The following TMEM87B variants were observed in gnomAD, a reference collection of about 807,000 sequenced individuals.
TMEM87B encodes transmembrane protein 87B.
A neutral mutation model predicts 80.3 loss-of-function variants in TMEM87B; 83 were observed. That is an observed-to-expected ratio of 1.03 (90% confidence interval 0.87 to 1.24). TMEM87B has a LOEUF of 1.24. Among genes scored for constraint, TMEM87B ranks in the 50% most tolerant of loss-of-function variants. The pLI is 0.00. For synonymous variants in TMEM87B, 219 were observed against 230.5 expected, an observed-to-expected ratio of 0.95 and a Z score of 0.45; for missense variants, 625 against 674.4, an observed-to-expected ratio of 0.93 and a Z score of 0.81.
chr2:112,107,774 A>G lies in TMEM87B; in HGVS notation c.1525-14A>G, dbSNP rs777688437. 1 of 1,545,882 alleles carries G rather than the reference A, an allele frequency of 6.5e-7. No individual in the cohort carries two copies. The highest frequency in any genetic ancestry group is 1.7e-5 in the Admixed American group (1 of 57,880). ...GTGATATTAAGCAAATGCTAAGTAT[A>G]AATATTTCTACAGGATGAAGATTTG... On this transcript the variant is annotated splice_polypyrimidine_tract_variant and intron_variant, in intron 16 of 18. Transcript: ENST00000283206.
At chr2:112,081,626 T>A in intron 8 of TMEM87B, 108 bp downstream of exon 8, 1 of 978,036 alleles carries the variant, frequency 1.0e-6, no homozygotes, top group South Asian at 2.0e-5. Flanking sequence ...GAAACAGATA[T>A]ATTATAGATG....
chr2:112,079,969 A>C (rs1212478866), intron 6 of TMEM87B, among the ~76,000 whole-genome samples: 1 of 117,156 alleles, frequency 8.5e-6, no homozygotes, highest in Non-Finnish European at 1.6e-5. Context: ...TCGCTCTGTC[A>C]CCCAGGCTGG....
At chr2:112,096,961 CTT>C in intron 11 of TMEM87B, 81 bp from the exon 12 acceptor site, 1 of 951,668 alleles carries the variant, frequency 1.1e-6, no homozygotes, top group Non-Finnish European at 1.6e-6. Flanking sequence ...GCAGTACTGA[CTT>C]TGGGAACATA....
At chr2:112,100,546 A>T in intron 14 of TMEM87B, 76 bp from the exon 15 acceptor site, 2 of 883,832 alleles carry the variant, frequency 2.3e-6, no homozygotes, top group Non-Finnish European at 3.5e-6. Context: ...TTTTTTATAC[A>T]ATGGCTTTTA....
intron 3 of TMEM87B, among the ~76,000 whole-genome samples, chr2:112,065,932 T>C (rs563921754): frequency 1.3e-5 from 2 of 152,356 alleles, no homozygotes; most frequent in African/African-American, 4.8e-5. Flanking sequence ...ATTCAAGTTA[T>C]ACATTTTTGG....
At chr2:112,104,599 GCT>G (rs983613835) in intron 15 of TMEM87B, among the ~76,000 whole-genome samples, 3 of 152,150 alleles carry the variant, frequency 2.0e-5, no homozygotes, top group African/African-American at 7.2e-5. Flanking sequence ...GGAACAGCTG[GCT>G]CTCTCATACA....
At chr2:112,100,547 A>G (rs879183709) in intron 14 of TMEM87B, 75 bp from the exon 15 acceptor site, 1 of 893,454 alleles carries the variant, frequency 1.1e-6, no homozygotes. Flanking sequence ...TTTTTATACA[A>G]TGGCTTTTAG....
At chr2:112,105,840 T>C (rs1483416635) in intron 15 of TMEM87B, 162 bp from the exon 16 acceptor site, 8 of 457,670 alleles carry the variant, frequency 1.7e-5, no homozygotes, top group African/African-American at 1.6e-4. Flanking sequence ...CATATATTTT[T>C]CCTACATTCC....
intron 4 of TMEM87B, among the ~76,000 whole-genome samples, chr2:112,071,804 G>T (rs993267618): frequency 1.3e-5 from 2 of 152,074 alleles, no homozygotes. Flanking sequence ...CTCTGGCCAG[G>T]ACTTCCAATA....
chr2:112,064,609 G>T (rs1678360748), intron 3 of TMEM87B, among the ~76,000 whole-genome samples: 1 of 152,188 alleles, frequency 6.6e-6, no homozygotes, highest in South Asian at 2.1e-4. Context: ...AGTAGATTTA[G>T]TGAGCACAAG....
Position 112,118,718 on chromosome 2 carries a change from C to T in TMEM87B, c.*2575C>T, listed in dbSNP as rs892957528. 1.3e-5 allele frequency: 2 copies of T among 152,034 alleles called. No individual in the cohort carries two copies. The highest frequency in any genetic ancestry group is 4.8e-5 in the African/African-American group (2 of 41,390). The allele number at this position is 152,034 out of a possible 1,614,324, so 9.4% of individuals were successfully genotyped here. On this transcript the variant is annotated 3_prime_UTR_variant, in exon 19 of 19. Transcript: ENST00000283206. The stretch of plus-strand genomic sequence containing the variant: ...CTTACACATCCTGTAGAAAATACCA[C>T]CTTTTCCCCTTGTATTACAGTACAA...
At position 112,055,417 on chromosome 2, in the gene TMEM87B, C is replaced by G. The variant is rs1196468912; in HGVS notation, c.-175C>G. 1 of 704,966 alleles carries G rather than the reference C, an allele frequency of 1.4e-6. No homozygotes were observed. Among genetic ancestry groups the G allele is most frequent in the African/African-American group, 1.9e-5 (1 of 52,512 alleles). The allele number at this position is 704,966 out of a possible 1,614,324, so 43.7% of individuals were successfully genotyped here. ...CTAAGCCCTGCCTCCCGGTCCTGGC[C>G]GGGTTTCCCAGAACTGCACGGCGCC... On this transcript the variant is annotated 5_prime_UTR_variant, in exon 1 of 19. Transcript: ENST00000283206.
At chr2:112,083,367 A>C (rs1266552194) in intron 8 of TMEM87B, among the ~76,000 whole-genome samples, 2 of 152,246 alleles carry the variant, frequency 1.3e-5, no homozygotes, top group Non-Finnish European at 2.9e-5. Flanking sequence ...TGTGGTAGCC[A>C]CAAGCCACAT....
In TMEM87B at chr2:112,077,274, A is replaced by G. The variant is rs1678855275; in HGVS notation, c.584A>G (p.Asn195Ser). 3.2e-6 allele frequency: 5 copies of G among 1,566,570 alleles called. No homozygotes were observed. In the African/African-American group the frequency reaches 5.4e-5, roughly 17 times the overall value. ...IKTENTDASW[N>S]LNVSLSMIGP... ...ACGGAGAATACAGATGCAAGCTGGA[A>G]TTTGAATGGTATAGTTAAACTGCAT... The change falls in exon 6 of 19, where the codon AAT (asparagine) becomes AGT (serine). Residue 195 changes from asparagine to serine, a missense_variant. Asn to Ser is a conservative substitution (Grantham distance 46). Transcript: ENST00000283206.
chr2:112,077,029 C>A, intron 5 of TMEM87B, among the ~76,000 whole-genome samples, 163 bp from the exon 6 acceptor site: 1 of 131,504 alleles, frequency 7.6e-6, no homozygotes, highest in South Asian at 2.3e-4. Context: ...CATGGTGAGA[C>A]CCCCATCTCA....
At chr2:112,065,101 T>G (rs1371034310) in intron 3 of TMEM87B, among the ~76,000 whole-genome samples, 1 of 152,066 alleles carries the variant, frequency 6.6e-6, no homozygotes, top group African/African-American at 2.4e-5. Flanking sequence ...CTCCAGAGTT[T>G]CTGGGATTAT....
intron 17 of TMEM87B, among the ~76,000 whole-genome samples, chr2:112,111,710 A>G (rs1280627330): frequency 6.6e-6 from 1 of 152,234 alleles, no homozygotes; most frequent in East Asian, 1.9e-4. Flanking sequence ...AATGGAACAA[A>G]AATTTTATAA....
Position 112,107,823 on chromosome 2 carries a change from C to G in TMEM87B, c.1560C>G (p.Pro520=), listed in dbSNP as rs760868494. 6.3e-7 allele frequency: 1 copy of G among 1,581,202 alleles called. No individual in the cohort carries two copies. Among genetic ancestry groups the G allele is most frequent in the South Asian group, 1.1e-5 (1 of 87,148 alleles). The change falls in exon 17 of 19, where the codon CCC becomes CCG. Residue 520 remains proline (P), a synonymous_variant. Transcript: ENST00000283206. ...EDLKWVEENI[P]SSFTDVALPV... ...TGAAGTGGGTAGAAGAAAATATTCC[C>G]TCTTCATTCACAGATGTGTAAGTTA... is the stretch of plus-strand genomic sequence containing the variant.
chr2:112,068,738 G>A (rs1381837357), intron 4 of TMEM87B, among the ~76,000 whole-genome samples: 1 of 152,082 alleles, frequency 6.6e-6, no homozygotes, highest in Non-Finnish European at 1.5e-5. Flanking sequence ...GCACAACCAT[G>A]TAGACCCTGA....
Sources: allele counts gnomAD v4.1 joint callset (sites outside exome capture counted in the v4.1 genomes callset), GRCh38; gene constraint gnomAD v4.1.1; transcripts MANE v1.5; gene names NCBI Gene and HGNC (gene_info 2026-07-23, HGNC 2026-07-21).